The following PDE1C variants were observed in gnomAD, a reference collection of about 807,000 sequenced individuals.
The protein encoded by PDE1C is dual specificity calcium/calmodulin-dependent 3',5'-cyclic nucleotide phosphodiesterase 1C.
In PDE1C, 62 loss-of-function variants were observed where a neutral mutation model predicts 93.1. The ratio of observed to expected loss-of-function variants is 0.67; its 90% confidence interval spans 0.54 to 0.82. PDE1C has a LOEUF of 0.82. Ranked by LOEUF, PDE1C falls within the 40% of genes least tolerant of loss-of-function variation. The probability of loss-of-function intolerance (pLI) is 0.00; values close to 1 mark genes in which losing one functional copy is unlikely to be tolerated. For missense variants in PDE1C, 742 were observed against 884.6 expected (o/e 0.84, Z 2.04); for synonymous variants, 325 against 310.1 (o/e 1.05, Z -0.50).
At chr7:32,085,596 A>T (rs1449304156) in intron 3 of PDE1C, among the ~76,000 whole-genome samples, 19 of 146,430 alleles carry the variant, frequency 1.3e-4, no homozygotes, top group Non-Finnish European at 2.6e-4. Context: ...TTGATGCAAA[A>T]ATCCTCAATA....
Position 32,175,388 on chromosome 7 carries a change from A to G in PDE1C, c.137-5432T>C, listed in dbSNP as rs1473599101. Among the ~76,000 whole-genome samples, 4 of 152,192 alleles carry G rather than the reference A, an allele frequency of 2.6e-5. No homozygotes were observed. The East Asian group carries it at 7.7e-4, about 29-fold the overall frequency. On this transcript the variant is annotated intron_variant, in intron 2 of 18. Coordinates refer to the PDE1C transcript ENST00000396193. ...AGCGTTTTGTCTAAAAACACAATAT[A>G]CATATCTTAACTCTAAAATGCTTTA...
intron 3 of PDE1C, among the ~76,000 whole-genome samples, chr7:32,086,779 T>G (rs1797109785): frequency 1.3e-5 from 2 of 152,288 alleles, no homozygotes; most frequent in Admixed American, 1.3e-4. Flanking sequence ...TAATAAATGG[T>G]GCTGGGAAAA....
intron 1 of PDE1C, among the ~76,000 whole-genome samples, chr7:32,281,915 C>T (rs1030561731): frequency 3.3e-5 from 5 of 152,040 alleles, no homozygotes; most frequent in Admixed American, 2.0e-4. Flanking sequence ...AGCAAACTAT[C>T]GCAAGGACAG....
intron 1 of PDE1C, among the ~76,000 whole-genome samples, chr7:32,331,011 T>C (rs927749114): frequency 6.6e-6 from 1 of 151,874 alleles, no homozygotes; most frequent in African/African-American, 2.4e-5. Context: ...TGACCAGCAA[T>C]GTCCTCCAAA....
chr7:32,337,441 G>GA (rs1207606956), intron 1 of PDE1C, among the ~76,000 whole-genome samples: 2 of 152,098 alleles, frequency 1.3e-5, no homozygotes, highest in African/African-American at 4.8e-5. Flanking sequence ...ATAGTTGAAT[G>GA]AAAAAAATTA....
chr7:32,043,203 C>T (rs1037047144), intron 2 of PDE1C, among the ~76,000 whole-genome samples: 1 of 152,170 alleles, frequency 6.6e-6, no homozygotes, highest in Admixed American at 6.5e-5. Flanking sequence ...AAGAAATGCT[C>T]ACCTACTCCA....
At chr7:31,794,982 C>T (rs1785103093) in intron 16 of PDE1C, among the ~76,000 whole-genome samples, 1 of 151,936 alleles carries the variant, frequency 6.6e-6, no homozygotes, top group Non-Finnish European at 1.5e-5. Context: ...CTCATGTTTT[C>T]ACTATGGCTC....
intron 16 of PDE1C, among the ~76,000 whole-genome samples, chr7:31,796,965 C>T (rs1236390294): frequency 2.0e-5 from 3 of 151,706 alleles, no homozygotes; most frequent in Admixed American, 1.3e-4. Context: ...CATTTATTGA[C>T]TTTTTGTTGT....
Position 32,420,327 on chromosome 7 carries a change from GTATA to G in PDE1C, c.310+7491_310+7494del, listed in dbSNP as rs1406753335. On this transcript the variant is annotated intron_variant, in intron 1 of 1. Transcript: ENST00000672256. ...TATATATACATGTGTATATATATGT[GTATA>G]TATATATGTGTATATATATGTGTAT... Among the ~76,000 whole-genome samples, 14 of 4,582 alleles carry G rather than the reference GTATA, an allele frequency of 3.1e-3. 3 individuals carry two copies. The highest frequency in any genetic ancestry group is 6.1e-3 in the Non-Finnish European group (13 of 2,124). 3.0% of individuals were successfully genotyped at this position (4,582 alleles called of 152,430 possible).
chr7:32,178,899 T>A (rs1168711299), intron 2 of PDE1C, among the ~76,000 whole-genome samples: 1 of 152,214 alleles, frequency 6.6e-6, no homozygotes, highest in African/African-American at 2.4e-5. Flanking sequence ...CAGATTCAGA[T>A]GTAGCAAACA....
chr7:32,196,031 G>A (rs1009223685), intron 2 of PDE1C, among the ~76,000 whole-genome samples: 1 of 152,192 alleles, frequency 6.6e-6, no homozygotes, highest in African/African-American at 2.4e-5. Flanking sequence ...GCTCAGCAGG[G>A]AGGAAGAGGG....
At chr7:32,063,904 A>C (rs1795089082) in intron 1 of PDE1C, among the ~76,000 whole-genome samples, 1 of 152,100 alleles carries the variant, frequency 6.6e-6, no homozygotes, top group Non-Finnish European at 1.5e-5. Flanking sequence ...ATATATTCTA[A>C]GTTTCCTGAT....
intron 1 of PDE1C, among the ~76,000 whole-genome samples, chr7:32,058,087 C>A (rs1479753979): frequency 6.6e-6 from 1 of 152,136 alleles, no homozygotes; most frequent in Non-Finnish European, 1.5e-5. Flanking sequence ...AGATACCTCC[C>A]AGTTGGGCAC....
chr7:31,772,928 G>A (rs541609484), intron 17 of PDE1C, among the ~76,000 whole-genome samples: 90 of 152,340 alleles, frequency 5.9e-4, no homozygotes, highest in African/African-American at 2.1e-3. Flanking sequence ...CATGGGCAGG[G>A]GCCCCCATGG....
intron 3 of PDE1C, among the ~76,000 whole-genome samples, chr7:32,133,316 G>C (rs1052739746): frequency 6.6e-6 from 1 of 152,204 alleles, no homozygotes; most frequent in African/African-American, 2.4e-5. Flanking sequence ...CTGGAGACTA[G>C]ATAAAGGCAG....
intron 1 of PDE1C, among the ~76,000 whole-genome samples, chr7:32,245,034 C>T (rs1808821433): frequency 6.6e-6 from 1 of 152,168 alleles, no homozygotes; most frequent in Admixed American, 6.5e-5. Context: ...GGTGATGTGA[C>T]TGGGCCAGGC....
chr7:31,632,679 A>G, the PDE1C span, among the ~76,000 whole-genome samples: 4 of 152,260 alleles, frequency 2.6e-5, no homozygotes, highest in African/African-American at 9.6e-5. Context: ...GAAATCTAGC[A>G]GCAGGAAAAG....
At chr7:31,875,261 A>T (rs1796401931) in intron 5 of PDE1C, among the ~76,000 whole-genome samples, 1 of 152,174 alleles carries the variant, frequency 6.6e-6, no homozygotes, top group South Asian at 2.1e-4. Flanking sequence ...GCTCTCTATC[A>T]CTAGAAATAA....
intron 1 of PDE1C, among the ~76,000 whole-genome samples, chr7:32,238,483 T>C (rs1454040778): frequency 3.3e-5 from 5 of 152,244 alleles, no homozygotes; most frequent in Non-Finnish European, 7.3e-5. Context: ...ATAAGTGAGA[T>C]ATAACTGCTG....
Sources: gnomAD v4.1 joint callset for allele counts (sites outside exome capture counted in the v4.1 genomes callset) on GRCh38, gnomAD v4.1.1 for gene constraint, MANE v1.5 for transcripts, NCBI Gene and HGNC (gene_info 2026-07-23, HGNC 2026-07-21) for gene names.